Variants in MBOAT2 observed in about 807,000 individuals in gnomAD.
The protein encoded by MBOAT2 is membrane-bound glycerophospholipid O-acyltransferase 2.
MBOAT2 carries 28 observed loss-of-function variants against 63.4 expected under a neutral mutation model. The observed-to-expected ratio is 0.44, with a 90% CI of 0.33 to 0.61. MBOAT2 has a LOEUF of 0.61. MBOAT2 is among the 20% of genes least tolerant of loss of function. The pLI is 0.03. For synonymous variants in MBOAT2, 211 were observed against 215.6 expected (o/e 0.98, Z 0.19); for missense variants, 470 against 605.8 (o/e 0.78, Z 2.35).
intron 3 of MBOAT2, among the ~76,000 whole-genome samples, chr2:8,941,256 C>G (rs555290372): frequency 7.2e-5 from 11 of 152,142 alleles, no homozygotes; most frequent in Non-Finnish European, 1.5e-4. Context: ...CCTTACTTAC[C>G]TGCCCTAATC....
chr2:8,878,002 C>T (rs1662822910), intron 6 of MBOAT2, among the ~76,000 whole-genome samples: 1 of 152,228 alleles, frequency 6.6e-6, no homozygotes, highest in South Asian at 2.1e-4. Context: ...TGAAAAAACA[C>T]AGCAGGGGTT....
chr2:8,901,557 G>A (rs919057828), intron 4 of MBOAT2, among the ~76,000 whole-genome samples: 6 of 152,296 alleles, frequency 3.9e-5, no homozygotes, highest in African/African-American at 1.2e-4. Flanking sequence ...CCTGAGGGAG[G>A]GAAGGGATCT....
At chr2:8,861,533 T>A (rs888222931) in intron 11 of MBOAT2, among the ~76,000 whole-genome samples, 1 of 152,218 alleles carries the variant, frequency 6.6e-6, no homozygotes, top group African/African-American at 2.4e-5. Flanking sequence ...GTGACTGCCA[T>A]GGTGGTGAGC....
At chr2:8,989,281 A>G (rs1229302963) in intron 1 of MBOAT2, among the ~76,000 whole-genome samples, 1 of 152,198 alleles carries the variant, frequency 6.6e-6, no homozygotes, top group Non-Finnish European at 1.5e-5. Context: ...CAGCCCGTTA[A>G]CGTCAAATGA....
At chr2:8,998,453 C>T (rs1314636079) in intron 1 of MBOAT2, among the ~76,000 whole-genome samples, 3 of 152,158 alleles carry the variant, frequency 2.0e-5, no homozygotes, top group Non-Finnish European at 4.4e-5. Flanking sequence ...CTTAAGAAGG[C>T]TCAATACTGA....
chr2:8,893,201 A>T (rs1235205260), intron 4 of MBOAT2, among the ~76,000 whole-genome samples: 1 of 152,008 alleles, frequency 6.6e-6, no homozygotes, highest in African/African-American at 2.4e-5. Context: ...AAGGAAAGTC[A>T]ATGGGATTCG....
intron 1 of MBOAT2, among the ~76,000 whole-genome samples, chr2:8,980,760 A>G (rs1558680336): frequency 1.3e-5 from 2 of 152,168 alleles, no homozygotes; most frequent in Admixed American, 6.5e-5. Flanking sequence ...CACACTGCTG[A>G]TGGGAATATA....
At chr2:8,925,726 T>C (rs56260427) in intron 3 of MBOAT2, among the ~76,000 whole-genome samples, 4,039 of 152,286 alleles carry the variant, frequency 0.027, 146 homozygotes, top group African/African-American at 0.084. Flanking sequence ...TGAAGTCCAG[T>C]ACAGGAGGCA....
At chr2:8,902,446 G>A (rs989908310) in intron 4 of MBOAT2, among the ~76,000 whole-genome samples, 9 of 152,284 alleles carry the variant, frequency 5.9e-5, no homozygotes, top group South Asian at 4.1e-4. Flanking sequence ...TGGTGTGTCC[G>A]GAGTTTGTTC....
At position 8,888,772 on chromosome 2, in the gene MBOAT2, A is replaced by G. The variant is rs184400633; in HGVS notation, c.396-699T>C. On this transcript the variant is annotated intron_variant, in intron 4 of 12. Coordinates refer to ENST00000305997, the MANE Select transcript of MBOAT2 (RefSeq NM_138799.4). ...GCTGGGCACGGTGGCTCATGCCTGT[A>G]ATCTCAGCACTTTGGGAGGCTGAGG... 7.9e-4 allele frequency among the ~76,000 whole-genome samples: 120 copies of G among 152,294 alleles called. 1 individual carries two copies. In the Middle Eastern group the frequency reaches 0.01, roughly 13 times the overall value.
intron 3 of MBOAT2, among the ~76,000 whole-genome samples, chr2:8,939,330 G>A (rs759514198): frequency 7.2e-5 from 11 of 152,186 alleles, no homozygotes; most frequent in Non-Finnish European, 8.8e-5. Flanking sequence ...CCGAAGCCCC[G>A]ACAAGGTGGC....
At chr2:8,985,570 C>A (rs577676537) in intron 1 of MBOAT2, among the ~76,000 whole-genome samples, 9 of 152,278 alleles carry the variant, frequency 5.9e-5, no homozygotes, top group African/African-American at 1.2e-4. Context: ...CAGTCCTCCC[C>A]GCCCTGTCCC....
chr2:8,857,261 G>GC lies in MBOAT2; in HGVS notation c.*1417dup, dbSNP rs1661158786. ...AACAAAGGTGAAGTCAGAAGGCTTT[G>GC]CCCCCTCCCCTCCTACAGGGCAGGA... On this transcript the variant is annotated 3_prime_UTR_variant, in exon 13 of 13. Coordinates refer to ENST00000305997, the MANE Select transcript of MBOAT2 (RefSeq NM_138799.4). 6.6e-6 allele frequency: 1 copy of GC among 152,622 alleles called. No homozygotes were observed. Among genetic ancestry groups the GC allele is most frequent in the Non-Finnish European group, 1.5e-5 (1 of 68,032 alleles). 9.5% of individuals were successfully genotyped at this position (152,622 alleles called of 1,614,324 possible).
chr2:8,976,077 C>A (rs1670796255), intron 1 of MBOAT2, among the ~76,000 whole-genome samples: 1 of 152,094 alleles, frequency 6.6e-6, no homozygotes, highest in African/African-American at 2.4e-5. Flanking sequence ...CAATCTACAG[C>A]CCAGACATCC....
rs527697625 is a variant in MBOAT2, at chr2:8,961,451, A to C, written c.76-2809T>G. 3.9e-5 allele frequency among the ~76,000 whole-genome samples: 6 copies of C among 152,340 alleles called. No individual in the cohort carries two copies. The South Asian group carries it at 1.2e-3, about 32-fold the overall frequency. On this transcript the variant is annotated intron_variant, in intron 1 of 12. Coordinates refer to ENST00000305997, the MANE Select transcript of MBOAT2 (RefSeq NM_138799.4). ...TACCCCAGATAAAGTGCACAAAAGC[A>C]CAAGAGGCTTAGGCACACATGAAGA...
At chr2:8,980,162 C>T (rs1008398112) in intron 1 of MBOAT2, among the ~76,000 whole-genome samples, 6 of 152,064 alleles carry the variant, frequency 3.9e-5, no homozygotes, top group African/African-American at 9.7e-5. Flanking sequence ...AAAGATTATT[C>T]CTGAAATATT....
chr2:8,983,274 T>A (rs182283086), intron 1 of MBOAT2, among the ~76,000 whole-genome samples: 186 of 152,280 alleles, frequency 1.2e-3, no homozygotes, highest in African/African-American at 4.3e-3. Context: ...AGAATAAAAC[T>A]GCACACAGAT....
At chr2:8,942,138 A>G (rs1668097916) in intron 3 of MBOAT2, among the ~76,000 whole-genome samples, 1 of 152,226 alleles carries the variant, frequency 6.6e-6, no homozygotes, top group African/African-American at 2.4e-5. Flanking sequence ...GAGGAAAAAG[A>G]AAAGTCAGTG....
chr2:8,997,492 G>A (rs541913219), intron 1 of MBOAT2, among the ~76,000 whole-genome samples: 15 of 152,242 alleles, frequency 9.9e-5, no homozygotes, highest in Admixed American at 3.3e-4. Context: ...GCATACGACC[G>A]AACCCAAGCC....
Sources: gnomAD v4.1 joint callset for allele counts (sites outside exome capture counted in the v4.1 genomes callset) on GRCh38, gnomAD v4.1.1 for gene constraint, MANE v1.5 for transcripts, NCBI Gene and HGNC (gene_info 2026-07-23, HGNC 2026-07-21) for gene names.